Variants in JMJD1C observed in about 807,000 individuals in gnomAD.
The protein encoded by JMJD1C is jumonji domain-containing protein 1C.
A neutral mutation model predicts 245.3 loss-of-function variants in JMJD1C; 31 were observed. The observed-to-expected ratio is 0.13, with a 90% CI of 0.09 to 0.17. JMJD1C has a LOEUF of 0.17. Ranked by LOEUF, JMJD1C falls within the 10% of genes least tolerant of loss-of-function variation. The pLI is 1.00. For missense variants in JMJD1C, 2,691 were observed against 3,000.2 expected, an observed-to-expected ratio of 0.90 and a Z score of 2.41; for synonymous variants, 1,057 against 1,017.4, an observed-to-expected ratio of 1.04 and a Z score of -0.74.
Position 63,296,648 on chromosome 10 carries a change from C to T in JMJD1C, c.334-31884G>A, listed in dbSNP as rs1859465788. On this transcript the variant is annotated intron_variant, in intron 2 of 25. Transcript: ENST00000399262. ...GTGCGTATAGGTGACAAAAATTTTT[C>T]TCCACTCTGCGTAAGTCTATGAATG... Among the ~76,000 whole-genome samples the T allele has an allele frequency of 3.3e-5, 5 of 152,220 alleles. No individual in the cohort carries two copies. In the South Asian group the frequency reaches 1.0e-3, roughly 32 times the overall value.
chr10:63,430,975 C>A (rs1950712008), intron 1 of JMJD1C, among the ~76,000 whole-genome samples: 1 of 152,128 alleles, frequency 6.6e-6, no homozygotes, highest in Non-Finnish European at 1.5e-5. Flanking sequence ...CCTCCCACCT[C>A]GCTTCCCAAA....
chr10:63,435,564 G>A (rs1318104289), intron 1 of JMJD1C, among the ~76,000 whole-genome samples: 2 of 152,112 alleles, frequency 1.3e-5, no homozygotes, highest in East Asian at 3.9e-4. Flanking sequence ...GGCTCACAGT[G>A]TCCCACATAG....
intron 1 of JMJD1C, among the ~76,000 whole-genome samples, chr10:63,473,879 C>T (rs1222158973): frequency 1.3e-5 from 2 of 151,568 alleles, no homozygotes; most frequent in Non-Finnish European, 1.5e-5. Flanking sequence ...CTCGTCTCTA[C>T]TAAAAATACA....
At chr10:63,304,352 G>A (rs7082639) in intron 2 of JMJD1C, among the ~76,000 whole-genome samples, 20,889 of 152,104 alleles carry the variant, frequency 0.14, 3,316 homozygotes, top group African/African-American at 0.39. Context: ...ACACAGCCAT[G>A]CCCAGATTGC....
chr10:63,450,435 AGAGT>A (rs1951980879), intron 1 of JMJD1C, among the ~76,000 whole-genome samples: 1 of 152,182 alleles, frequency 6.6e-6, no homozygotes, highest in Non-Finnish European at 1.5e-5. Flanking sequence ...CCTGGGTAAA[AGAGT>A]GAGATCATGT....
chr10:63,301,763 C>CCCTGT, intron 2 of JMJD1C: 1 of 445,878 alleles, frequency 2.2e-6, no homozygotes, highest in Non-Finnish European at 4.5e-6. Context: ...TGTATACATA[C>CCCTGT]CTATGTAACA....
rs1564958511 is a variant in JMJD1C, at chr10:63,475,276, T to TA, written n.113+46461dup. Among the ~76,000 whole-genome samples the TA allele has an allele frequency of 2.0e-5, 3 of 152,248 alleles. No homozygotes were observed. The South Asian group carries it at 6.2e-4, about 32-fold the overall frequency. On this transcript the variant is annotated intron_variant and non_coding_transcript_variant, in intron 1 of 3. Coordinates refer to the JMJD1C transcript ENST00000633035. Reference sequence around the variant, plus strand: ...ATTTTACAATTTTGTTTTATGCTTTTAAAAAAATAATCCATCTGAATACAT... The same window carrying TA: ...ATTTTACAATTTTGTTTTATGCTTTTAAAAAAAATAATCCATCTGAATACAT...
chr10:63,371,317 T>C (rs559725684), intron 2 of JMJD1C, among the ~76,000 whole-genome samples: 1 of 152,292 alleles, frequency 6.6e-6, no homozygotes, highest in African/African-American at 2.4e-5. Context: ...CTAGTGCTGA[T>C]GTAATTAATT....
chr10:63,191,573 G>C (rs910458292), intron 16 of JMJD1C, among the ~76,000 whole-genome samples: 4 of 152,188 alleles, frequency 2.6e-5, no homozygotes, highest in Non-Finnish European at 5.9e-5. Context: ...AGTGAGGTTT[G>C]AGACCAGCTT....
At chr10:63,267,552 T>C (rs1855745611) in intron 2 of JMJD1C, among the ~76,000 whole-genome samples, 1 of 152,170 alleles carries the variant, frequency 6.6e-6, no homozygotes, top group South Asian at 2.1e-4. Flanking sequence ...AGATATATCA[T>C]TCTATGAGTA....
At chr10:63,361,219 T>TC (rs1945295868) in intron 2 of JMJD1C, among the ~76,000 whole-genome samples, 1 of 152,154 alleles carries the variant, frequency 6.6e-6, no homozygotes, top group African/African-American at 2.4e-5. Flanking sequence ...GGTCAGGAGT[T>TC]CGAGACCAGC....
rs546931081 is a variant in JMJD1C, at chr10:63,416,220, C to T, written c.169-35738G>A. Among the ~76,000 whole-genome samples, 12 of 152,154 alleles carry T rather than the reference C, an allele frequency of 7.9e-5. No homozygotes were observed. The South Asian group carries it at 2.5e-3, about 32-fold the overall frequency. On this transcript the variant is annotated intron_variant, in intron 1 of 25. Coordinates refer to ENST00000399262, the MANE Select transcript of JMJD1C (RefSeq NM_032776.3). Reference sequence around the variant, plus strand: ...CAGTGTTTAAATTGTTATACATGATCATGGAAAACATGATCATGGAAAAAA... The same window carrying T: ...CAGTGTTTAAATTGTTATACATGATTATGGAAAACATGATCATGGAAAAAA...
chr10:63,465,474 G>A (rs1953168192), intron 1 of JMJD1C, 21 bp downstream of exon 1: 1 of 1,581,944 alleles, frequency 6.3e-7, no homozygotes, highest in Non-Finnish European at 8.6e-7. Flanking sequence ...CAGGGGAAAA[G>A]GGGGGCGCTG....
At chr10:63,362,075 A>G (rs774320045) in intron 2 of JMJD1C, among the ~76,000 whole-genome samples, 4 of 152,054 alleles carry the variant, frequency 2.6e-5, no homozygotes, top group Non-Finnish European at 5.9e-5. Context: ...TTGCTACTAA[A>G]AATACAAAAA....
chr10:63,227,561 T>C (rs1188923630), intron 3 of JMJD1C, among the ~76,000 whole-genome samples: 2 of 152,210 alleles, frequency 1.3e-5, no homozygotes, highest in African/African-American at 4.8e-5. Flanking sequence ...GAATGCTCAC[T>C]TTCAAATTGA....
intron 18 of JMJD1C, among the ~76,000 whole-genome samples, chr10:63,186,756 A>C (rs1198942682): frequency 1.3e-5 from 2 of 152,212 alleles, no homozygotes; most frequent in Admixed American, 6.5e-5. Flanking sequence ...CAGCTTCTAA[A>C]ACTACAATAA....
At chr10:63,274,291 G>A (rs771504443) in intron 2 of JMJD1C, among the ~76,000 whole-genome samples, 5 of 152,112 alleles carry the variant, frequency 3.3e-5, no homozygotes, top group Non-Finnish European at 7.4e-5. Context: ...TAGGTCATAC[G>A]CAGTGGTTCA....
intron 1 of JMJD1C, among the ~76,000 whole-genome samples, chr10:63,412,431 A>T (rs1949542590): frequency 6.6e-6 from 1 of 152,198 alleles, no homozygotes; most frequent in Admixed American, 6.5e-5. Context: ...GGACTGCGAG[A>T]GATCATTTCT....
chr10:63,363,579 C>T (rs1258993428), intron 2 of JMJD1C, among the ~76,000 whole-genome samples: 1 of 151,882 alleles, frequency 6.6e-6, no homozygotes, highest in Non-Finnish European at 1.5e-5. Flanking sequence ...TCGATCAATT[C>T]CTGCATTATC....
Sources: allele counts gnomAD v4.1 joint callset (sites outside exome capture counted in the v4.1 genomes callset), GRCh38; gene constraint gnomAD v4.1.1; transcripts MANE v1.5; gene names NCBI Gene and HGNC (gene_info 2026-07-23, HGNC 2026-07-21).